Variants in PSME4 observed in about 807,000 individuals in gnomAD.
The protein encoded by PSME4 is proteasome activator subunit 4, also known as proteasome activator complex subunit 4.
A neutral mutation model predicts 253.9 loss-of-function variants in PSME4; 89 were observed. The ratio of observed to expected loss-of-function variants is 0.35; its 90% CI spans 0.30 to 0.42. PSME4 has a LOEUF of 0.42. Among genes scored for constraint, PSME4 ranks in the 10% least tolerant of loss-of-function variants. The pLI is 1.00. For synonymous variants in PSME4, 851 were observed against 759.2 expected (o/e 1.12, Z -1.99); for missense variants, 2,014 against 2,195.2 (o/e 0.92, Z 1.65).
chr2:53,868,831 GT>G (rs1297514443), intron 44 of PSME4, among the ~76,000 whole-genome samples: 1 of 151,408 alleles, frequency 6.6e-6, no homozygotes, highest in Non-Finnish European at 1.5e-5. Context: ...ATGCATCTTT[GT>G]AATCACATTT....
intron 26 of PSME4, 40 bp from the exon 27 acceptor site, chr2:53,904,196 G>C: frequency 6.4e-7 from 1 of 1,559,860 alleles, no homozygotes; most frequent in Non-Finnish European, 8.7e-7. Context: ...TTATTAAATA[G>C]TAAAGTACAA....
At chr2:53,936,717 G>GAAA in intron 6 of PSME4, 47 bp downstream of exon 6, 5 of 1,157,616 alleles carry the variant, frequency 4.3e-6, no homozygotes, top group South Asian at 1.9e-5. Context: ...GGGGAAAAAA[G>GAAA]AAAAAAAAAA....
chr2:53,946,157 A>G (rs1669688843), intron 3 of PSME4, among the ~76,000 whole-genome samples: 1 of 152,232 alleles, frequency 6.6e-6, no homozygotes, highest in Non-Finnish European at 1.5e-5. Context: ...CTTATTAATG[A>G]CCACAAAGGA....
intron 41 of PSME4, among the ~76,000 whole-genome samples, chr2:53,882,482 C>T (rs545895250): frequency 6.6e-6 from 1 of 152,236 alleles, no homozygotes; most frequent in South Asian, 2.1e-4. Flanking sequence ...CGTATTAACT[C>T]GTATAATCCT....
chr2:53,930,517 T>A (rs1447643020), intron 10 of PSME4, among the ~76,000 whole-genome samples: 1 of 152,146 alleles, frequency 6.6e-6, no homozygotes, highest in Non-Finnish European at 1.5e-5. Flanking sequence ...CCCACTCCAT[T>A]TCCTAATTAA....
intron 43 of PSME4, among the ~76,000 whole-genome samples, chr2:53,874,112 C>A (rs1679014959): frequency 6.6e-6 from 1 of 152,174 alleles, no homozygotes; most frequent in Non-Finnish European, 1.5e-5. Flanking sequence ...CAGGTGCACA[C>A]CATCATGTCC....
chr2:53,883,876 T>C (rs1009533763), intron 41 of PSME4, among the ~76,000 whole-genome samples: 1 of 152,166 alleles, frequency 6.6e-6, no homozygotes, highest in Admixed American at 6.5e-5. Context: ...ACTATTCCAC[T>C]GAACTCTGAA....
Position 53,908,855 on chromosome 2 carries a change from T to C in PSME4, c.2573-15A>G, listed in dbSNP as rs751309076. ...TCGAGACAGATCTATTTTGAAAAAA[T>C]AAAAGAAGGTATTTTAGACACTGAA... On this transcript the variant is annotated splice_polypyrimidine_tract_variant and intron_variant, in intron 21 of 46. Coordinates refer to ENST00000404125, the MANE Select transcript of PSME4 (RefSeq NM_014614.3). 6 of 1,582,154 alleles carry C rather than the reference T, an allele frequency of 3.8e-6. No homozygotes were observed. The highest frequency in any genetic ancestry group is 5.2e-6 in the Non-Finnish European group (6 of 1,156,230).
chr2:53,920,813 G>T, intron 18 of PSME4, 76 bp downstream of exon 18: 1 of 1,254,288 alleles, frequency 8.0e-7, no homozygotes, highest in Non-Finnish European at 1.1e-6. Flanking sequence ...ACATATGCAA[G>T]AAAAAATAAC....
chr2:53,882,414 C>G (rs1679434982), intron 41 of PSME4, among the ~76,000 whole-genome samples: 1 of 152,180 alleles, frequency 6.6e-6, no homozygotes, highest in Non-Finnish European at 1.5e-5. Flanking sequence ...GGAAAATGCA[C>G]ATAATTCCTT....
chr2:53,907,047 T>C (rs1394441865), intron 24 of PSME4, among the ~76,000 whole-genome samples, 179 bp from the exon 25 acceptor site: 1 of 152,198 alleles, frequency 6.6e-6, no homozygotes, highest in East Asian at 1.9e-4. Flanking sequence ...TTAATTTTTA[T>C]GGCTAACAGT....
At chr2:53,881,453 T>C (rs1405452876) in intron 41 of PSME4, 1 of 152,244 alleles carries the variant, frequency 6.6e-6, no homozygotes, top group Non-Finnish European at 1.5e-5. Flanking sequence ...GTATGTACTT[T>C]ACCACTGTGC....
At chr2:53,939,918 AAAC>A (rs779846587) in intron 4 of PSME4, 35 bp downstream of exon 4, 6 of 1,523,286 alleles carry the variant, frequency 3.9e-6, no homozygotes, top group African/African-American at 1.4e-5. Context: ...AAGCCCACAG[AAAC>A]AACAAGAGGC....
At chr2:53,934,522 A>C in intron 8 of PSME4, 83 bp downstream of exon 8, 1 of 1,398,258 alleles carries the variant, frequency 7.2e-7, no homozygotes, top group East Asian at 2.3e-5. Flanking sequence ...ACTATTATCA[A>C]CTTCTGCGAC....
At chr2:53,940,962 T>C (rs7601205) in intron 3 of PSME4, among the ~76,000 whole-genome samples, 4,462 of 51,466 alleles carry the variant, frequency 0.087, 571 homozygotes, top group African/African-American at 0.19. Context: ...CATATATATA[T>C]ATATATATAT....
At chr2:53,867,453 C>T (rs1475215822) in intron 44 of PSME4, among the ~76,000 whole-genome samples, 5 of 148,780 alleles carry the variant, frequency 3.4e-5, no homozygotes, top group African/African-American at 1.0e-4. Context: ...GAGCCAAGAT[C>T]GCACCACTGT....
Position 53,949,132 on chromosome 2 carries a change from A to G in PSME4, c.383+11T>C, listed in dbSNP as rs1375041871. 6.3e-7 allele frequency: 1 copy of G among 1,581,296 alleles called. No homozygotes were observed. The highest frequency in any genetic ancestry group is 1.8e-5 in the Admixed American group (1 of 56,296). ...ACAAACCTTAACAGAAACCTCTGGA[A>G]AAAGACTTACTTTAACAAGTTGATC... is the stretch of plus-strand genomic sequence containing the variant. On this transcript the variant is annotated intron_variant, in intron 2 of 46. Coordinates refer to ENST00000404125, the MANE Select transcript of PSME4 (RefSeq NM_014614.3).
At chr2:53,910,943 C>T (rs746989597) in intron 20 of PSME4, among the ~76,000 whole-genome samples, 2 of 152,134 alleles carry the variant, frequency 1.3e-5, no homozygotes, top group East Asian at 1.9e-4. Context: ...CAAGCATATA[C>T]AGAGTTAATA....
chr2:53,949,142 C>T lies in PSME4; in HGVS notation c.383+1G>A, dbSNP rs1373646230. ...ACAGAAACCTCTGGAAAAAGACTTA[C>T]TTTAACAAGTTGATCAAAAGGCGGG... On this transcript the variant is annotated splice_donor_variant, in intron 2 of 46. Transcript: ENST00000404125. LOFTEE classifies it high-confidence loss of function. The T allele has an allele frequency of 6.3e-7, 1 of 1,590,646 alleles. No homozygotes were observed. The highest frequency in any genetic ancestry group is 8.6e-7 in the Non-Finnish European group (1 of 1,168,604).
Sources: allele counts gnomAD v4.1 joint callset (sites outside exome capture counted in the v4.1 genomes callset), GRCh38; gene constraint gnomAD v4.1.1; transcripts MANE v1.5; gene names NCBI Gene and HGNC (gene_info 2026-07-23, HGNC 2026-07-21).